Variants in CACNB2 observed in about 807,000 individuals in gnomAD.
CACNB2 encodes calcium voltage-gated channel auxiliary subunit beta 2, also known as voltage-dependent L-type calcium channel subunit beta-2.
Under a neutral mutation model 73.3 loss-of-function variants are expected in CACNB2, and 42 were observed. The observed-to-expected ratio is 0.57, with a 90% confidence interval of 0.45 to 0.74. The LOEUF (loss-of-function observed/expected upper bound fraction) is 0.74. CACNB2 is among the 30% of genes least tolerant of loss of function. CACNB2 has a pLI of 0.00. For synonymous variants in CACNB2, 348 were observed against 310.3 expected (o/e 1.12, Z -1.28); for missense variants, 940 against 853.0 (o/e 1.10, Z -1.27).
At chr10:18,358,773 T>G (rs983764505) in intron 2 of CACNB2, among the ~76,000 whole-genome samples, 2 of 152,168 alleles carry the variant, frequency 1.3e-5, no homozygotes, top group African/African-American at 4.8e-5. Flanking sequence ...TGAATTGCCC[T>G]TAAGAAACAA....
intron 3 of CACNB2, among the ~76,000 whole-genome samples, chr10:18,427,556 T>C (rs915486858): frequency 1.3e-5 from 2 of 152,208 alleles, no homozygotes; most frequent in Admixed American, 1.3e-4. Context: ...TATGTTCTGA[T>C]TATGTATTCC....
At position 18,236,847 on chromosome 10, in the gene CACNB2, C is replaced by A. The variant is rs140945231; in HGVS notation, c.213+85872C>A. Among the ~76,000 whole-genome samples, 827 of 152,212 alleles carry A rather than the reference C, an allele frequency of 5.4e-3. 5 individuals carry two copies. The highest frequency in any genetic ancestry group is 0.017 in the African/African-American group (700 of 41,520). Reference sequence around the variant, plus strand: ...GAACTTTGCAGTCTGAGCCTCCTCTCGGCTAAGGATCTCCTTTGGGGGACT... The same window carrying A: ...GAACTTTGCAGTCTGAGCCTCCTCTAGGCTAAGGATCTCCTTTGGGGGACT... On this transcript the variant is annotated intron_variant, in intron 2 of 13. Coordinates refer to ENST00000324631, the MANE Select transcript of CACNB2 (RefSeq NM_201596.3).
chr10:18,442,581 C>T (rs1400349313), intron 3 of CACNB2, among the ~76,000 whole-genome samples: 1 of 151,496 alleles, frequency 6.6e-6, no homozygotes, highest in East Asian at 2.0e-4. Flanking sequence ...AATCCCAGCA[C>T]TTTGGGAGGC....
intron 2 of CACNB2, among the ~76,000 whole-genome samples, chr10:18,312,670 T>C (rs186142120): frequency 1.2e-3 from 185 of 152,344 alleles, no homozygotes; most frequent in African/African-American, 4.4e-3. Context: ...CTCTTTTCTG[T>C]CTTCATACAC....
chr10:18,410,226 A>G (rs2044542802), intron 3 of CACNB2, among the ~76,000 whole-genome samples: 1 of 152,126 alleles, frequency 6.6e-6, no homozygotes, highest in Admixed American at 6.6e-5. Flanking sequence ...TGTGTTCTAT[A>G]TTCTATGTTT....
chr10:18,457,678 G>A (rs2047353806), intron 3 of CACNB2, among the ~76,000 whole-genome samples: 1 of 152,022 alleles, frequency 6.6e-6, no homozygotes, highest in Non-Finnish European at 1.5e-5. Flanking sequence ...ATCACCTGAG[G>A]TCAGGAGTTC....
At position 18,220,201 on chromosome 10, in the gene CACNB2, G is replaced by GTATA. The variant is rs773942256; in HGVS notation, c.213+69255_213+69258dup. ...CATATATATACATATATATGTGTGT[G>GTATA]TATATATATATATATATATATATAT... On this transcript the variant is annotated intron_variant, in intron 2 of 13. Coordinates refer to ENST00000324631, the MANE Select transcript of CACNB2 (RefSeq NM_201596.3). 2.4e-3 allele frequency among the ~76,000 whole-genome samples: 55 copies of GTATA among 23,294 alleles called. 1 individual carries two copies. Among genetic ancestry groups the GTATA allele is most frequent in the East Asian group, 9.8e-3 (7 of 712 alleles). The allele number at this position is 23,294 out of a possible 152,430, so 15.3% of individuals were successfully genotyped here.
At chr10:18,317,518 G>T (rs574258675) in intron 2 of CACNB2, among the ~76,000 whole-genome samples, 1 of 152,200 alleles carries the variant, frequency 6.6e-6, no homozygotes, top group East Asian at 1.9e-4. Flanking sequence ...AATTTGCCTA[G>T]GTTCTTGGCC....
At chr10:18,404,635 TA>T (rs1271407271) in intron 3 of CACNB2, among the ~76,000 whole-genome samples, 1 of 152,188 alleles carries the variant, frequency 6.6e-6, no homozygotes, top group Non-Finnish European at 1.5e-5. Flanking sequence ...TCACATGTAA[TA>T]AATAAGTCTG....
intron 2 of CACNB2, among the ~76,000 whole-genome samples, chr10:18,168,422 C>CTTAA (rs1407767626): frequency 6.6e-6 from 1 of 152,150 alleles, no homozygotes; most frequent in East Asian, 1.9e-4. Context: ...CAGTATCTTA[C>CTTAA]TTAAAGAGCC....
intron 3 of CACNB2, among the ~76,000 whole-genome samples, chr10:18,449,523 C>T (rs2046913736): frequency 6.6e-6 from 1 of 152,214 alleles, no homozygotes; most frequent in South Asian, 2.1e-4. Flanking sequence ...AGGGGGTTTG[C>T]TAAGAACCGT....
At chr10:18,318,900 C>A (rs915001195) in intron 2 of CACNB2, among the ~76,000 whole-genome samples, 1 of 152,170 alleles carries the variant, frequency 6.6e-6, no homozygotes, top group Non-Finnish European at 1.5e-5. Context: ...CAATGAGATA[C>A]CATCTCACAT....
chr10:18,290,112 CTT>C (rs992393946), intron 2 of CACNB2, among the ~76,000 whole-genome samples: 951 of 49,958 alleles, frequency 0.019, 4 homozygotes, highest in African/African-American at 0.061. Flanking sequence ...TTTTCTTTTT[CTT>C]TTTTTTTTTT....
chr10:18,398,494 C>A (rs1421776142), intron 2 of CACNB2, among the ~76,000 whole-genome samples: 3 of 152,024 alleles, frequency 2.0e-5, no homozygotes, highest in East Asian at 1.9e-4. Context: ...CATAGTGAGA[C>A]CCATCTCTAC....
intron 2 of CACNB2, among the ~76,000 whole-genome samples, chr10:18,189,253 A>T (rs2034290610): frequency 6.6e-6 from 1 of 152,326 alleles, no homozygotes; most frequent in South Asian, 2.1e-4. Flanking sequence ...CGAGAATTTA[A>T]TGCTCATGAA....
rs1390382043 is a variant in CACNB2, at chr10:18,527,608, C to T, written c.965C>T (p.Thr322Ile). Residue 322 changes from threonine (T) to isoleucine (I), a missense_variant, in exon 10 of 14, where the codon ACC (threonine) becomes ATC (isoleucine). Coordinates refer to ENST00000324631, the MANE Select transcript of CACNB2 (RefSeq NM_201596.3). ...FEGRISITRV[T>I]ADISLAKRSV... ...AACAGGATATCCATCACAAGGGTCA[C>T]CGCTGACATCTCGCTTGCCAAACGC... The T allele has an allele frequency of 1.2e-6, 2 of 1,613,604 alleles. No individual in the cohort carries two copies. Among genetic ancestry groups the T allele is most frequent in the East Asian group, 2.2e-5 (1 of 44,882 alleles).
intron 2 of CACNB2, among the ~76,000 whole-genome samples, chr10:18,231,864 C>A (rs927331931): frequency 6.6e-6 from 1 of 152,166 alleles, no homozygotes; most frequent in Non-Finnish European, 1.5e-5. Context: ...CCTGCTGAAA[C>A]CCCTTTGTAA....
chr10:18,256,659 G>C (rs1389032316), intron 2 of CACNB2: 2 of 152,208 alleles, frequency 1.3e-5, no homozygotes, highest in African/African-American at 4.8e-5. Context: ...TCCATGTTTA[G>C]GCCGGGCATG....
chr10:18,163,826 C>T (rs1483002475), intron 2 of CACNB2, among the ~76,000 whole-genome samples: 4 of 152,104 alleles, frequency 2.6e-5, no homozygotes, highest in Admixed American at 6.6e-5. Flanking sequence ...AGACCAGGAC[C>T]CCAGAGCAGG....
Sources: allele counts gnomAD v4.1 joint callset (sites outside exome capture counted in the v4.1 genomes callset), GRCh38; gene constraint gnomAD v4.1.1; transcripts MANE v1.5; gene names NCBI Gene and HGNC (gene_info 2026-07-23, HGNC 2026-07-21).